The following VWCE variants were observed in gnomAD, a reference collection of about 807,000 sequenced individuals.
The protein encoded by VWCE is von Willebrand factor C and EGF domains.
In VWCE, 68 loss-of-function variants were observed where a neutral mutation model predicts 102.9. That is an observed-to-expected ratio of 0.66 (90% CI 0.54 to 0.81). The LOEUF is 0.81. Among genes scored for constraint, VWCE ranks in the 30% least tolerant of loss-of-function variants. The pLI is 0.00. For missense variants in VWCE, 1,137 were observed against 1,263.6 expected (o/e 0.90, Z 1.52); for synonymous variants, 497 against 515.4 (o/e 0.96, Z 0.48).
intron 19 of VWCE, 144 bp downstream of exon 19, chr11:61,264,343 A>G (rs1012988260): frequency 4.1e-6 from 3 of 733,560 alleles, no homozygotes; most frequent in Admixed American, 4.9e-5. Flanking sequence ...GCCACAGCAC[A>G]GCTGTACAAC....
In VWCE at chr11:61,290,782, A is replaced by T; in HGVS notation, c.424+17T>A. 1.4e-6 allele frequency: 2 copies of T among 1,437,480 alleles called. No individual in the cohort carries two copies. Among genetic ancestry groups the T allele is most frequent in the East Asian group, 5.2e-5 (2 of 38,160 alleles). 89.0% of individuals were successfully genotyped at this position (1,437,480 alleles called of 1,614,324 possible). On this transcript the variant is annotated intron_variant, in intron 4 of 19. Transcript: ENST00000335613. Reference sequence around the variant, plus strand: ...GCTGTCCCCCTCCCCCTCCCCCACCACTCCCAGGCGTCTCACCTGTACACC... The same window carrying T: ...GCTGTCCCCCTCCCCCTCCCCCACCTCTCCCAGGCGTCTCACCTGTACACC...
intron 19 of VWCE, among the ~76,000 whole-genome samples, chr11:61,260,120 T>G (rs1854309032): frequency 6.6e-6 from 1 of 152,138 alleles, no homozygotes; most frequent in Non-Finnish European, 1.5e-5. Context: ...CCGGACGTGG[T>G]GGCGCGTGCC....
rs946607287 is a variant in VWCE at position 61,290,685 on chromosome 11, T to C, written c.424+114A>G. ...CTGCCCACTCTCAAACATCAGAGCC[T>C]ATCTTGGCTCAGCTTAGCCTTGCAA... On this transcript the variant is annotated intron_variant, in intron 4 of 19. Transcript: ENST00000335613. The C allele has an allele frequency of 1.4e-5, 17 of 1,221,724 alleles. No individual in the cohort carries two copies. The South Asian group carries it at 2.3e-4, about 17-fold the overall frequency. The allele number at this position is 1,221,724 out of a possible 1,614,324, so 75.7% of individuals were successfully genotyped here.
At chr11:61,259,333 C>A in intron 19 of VWCE, 21 bp from the exon 20 acceptor site, 12 of 1,549,022 alleles carry the variant, frequency 7.7e-6, no homozygotes, top group Non-Finnish European at 9.6e-6. Flanking sequence ...GAGGGTGAAA[C>A]GAGATGCACA....
At chr11:61,268,878 G>C in intron 15 of VWCE, 44 bp downstream of exon 15, 1 of 1,600,676 alleles carries the variant, frequency 6.2e-7, no homozygotes, top group Non-Finnish European at 8.6e-7. Flanking sequence ...CCCGATGCCT[G>C]AGATGCCCTG....
intron 6 of VWCE, 67 bp downstream of exon 6, chr11:61,282,722 G>A: frequency 7.6e-7 from 1 of 1,314,190 alleles, no homozygotes; most frequent in East Asian, 2.3e-5. Flanking sequence ...CCGGGTCCCT[G>A]GGCTCCCTGT....
chr11:61,271,743 TGTC>T lies in VWCE; in HGVS notation c.1714_1716del (p.Asp572del). ...TGTCCAATCGGAAACTCAACCCCGTTGTCGTCAAGAGAGCAGCCTGGATGAGGA... is the reference window on the plus strand; with the variant it reads ...TGTCCAATCGGAAACTCAACCCCGTTGTCAAGAGAGCAGCCTGGATGAGGA... On this transcript the variant is annotated inframe_deletion, in exon 14 of 20. Coordinates refer to ENST00000335613, the MANE Select transcript of VWCE (RefSeq NM_152718.2). 3 of 1,613,518 alleles carry T rather than the reference TGTC, an allele frequency of 1.9e-6. No individual in the cohort carries two copies. The highest frequency in any genetic ancestry group is 1.1e-5 in the South Asian group (1 of 90,918).
intron 12 of VWCE, 24 bp downstream of exon 12, chr11:61,274,475 C>A (rs372206338): frequency 1.9e-6 from 3 of 1,610,482 alleles, no homozygotes; most frequent in East Asian, 2.2e-5. Flanking sequence ...ATTCCACAGG[C>A]TTTGGGACGC....
chr11:61,279,081 C>T lies in VWCE; in HGVS notation c.1325-605G>A, dbSNP rs554431117. 2.0e-5 allele frequency among the ~76,000 whole-genome samples: 3 copies of T among 151,936 alleles called. No individual in the cohort carries two copies. The East Asian group carries it at 5.8e-4, about 30-fold the overall frequency. Reference sequence around the variant, plus strand: ...AAAAACAAAAAAAAAAACTGGCCATCCAGCTTCGTTAACCAGCGTGTCCCT... The same window carrying T: ...AAAAACAAAAAAAAAAACTGGCCATTCAGCTTCGTTAACCAGCGTGTCCCT... On this transcript the variant is annotated intron_variant, in intron 9 of 19. Coordinates refer to ENST00000335613, the MANE Select transcript of VWCE (RefSeq NM_152718.2).
intron 5 of VWCE, among the ~76,000 whole-genome samples, chr11:61,285,868 C>G (rs1271796380): frequency 6.6e-6 from 1 of 152,210 alleles, no homozygotes. Flanking sequence ...GTTTTCCTGC[C>G]TCAGCCTCCC....
intron 13 of VWCE, among the ~76,000 whole-genome samples, chr11:61,272,171 T>A (rs987388913): frequency 6.7e-6 from 1 of 149,286 alleles, no homozygotes; most frequent in Non-Finnish European, 1.5e-5. Context: ...CACACACAGA[T>A]ACAACACAGA....
In VWCE at chr11:61,266,848, AG is replaced by A. The variant is rs554044109; in HGVS notation, c.1965+613del. On this transcript the variant is annotated intron_variant, in intron 16 of 19. Coordinates refer to ENST00000335613, the MANE Select transcript of VWCE (RefSeq NM_152718.2). The stretch of plus-strand genomic sequence containing the variant: ...GCTTGACCACATGGGTCTACTGAAA[AG>A]GTTCCAGTACTGGATTCTGGGTTTG... Among the ~76,000 whole-genome samples the A allele has an allele frequency of 1.4e-4, 21 of 152,340 alleles. No individual in the cohort carries two copies. The South Asian group carries it at 4.3e-3, about 32-fold the overall frequency.
At chr11:61,273,000 CAG>C (rs1331868417) in intron 13 of VWCE, among the ~76,000 whole-genome samples, 197 bp downstream of exon 13, 4 of 151,972 alleles carry the variant, frequency 2.6e-5, no homozygotes, top group African/African-American at 7.3e-5. Context: ...CTCACAAACT[CAG>C]AGACACACAA....
At chr11:61,274,171 G>GC (rs1854831392) in intron 12 of VWCE, among the ~76,000 whole-genome samples, 1 of 152,012 alleles carries the variant, frequency 6.6e-6, no homozygotes, top group Non-Finnish European at 1.5e-5. Flanking sequence ...TTAACATCCC[G>GC]CCTTCCAAAA....
chr11:61,273,204 G>C lies in VWCE; in HGVS notation c.1694C>G (p.Ser565Trp). 6.2e-7 allele frequency: 1 copy of C among 1,613,868 alleles called. No individual in the cohort carries two copies. Among genetic ancestry groups the C allele is most frequent in the Non-Finnish European group, 8.5e-7 (1 of 1,179,930 alleles). ...CCFTCQEPTP[S>W]TGCSLDDNGV... is the part of the protein sequence containing the mutation. ...GCAGCCCTGGACCAGCTCACCTGTC[G>C]AGGGTGTGGGCTCCTGGCAGGTGAA... Residue 565 changes from serine to tryptophan, a missense_variant, in exon 13 of 20, where the codon TCG (serine) becomes TGG (tryptophan). Physicochemically the swap from Ser to Trp is radical, Grantham distance 177. Around this residue, in one of 5 missense-constraint regions of VWCE, gnomAD observed 212 missense variants for 235.1 expected, o/e 0.90. Transcript: ENST00000335613.
rs1166649263 is a variant in VWCE, at chr11:61,294,646, C to T, written c.110+282G>A. 6.6e-6 allele frequency among the ~76,000 whole-genome samples: 1 copy of T among 152,136 alleles called. No individual in the cohort carries two copies. Among genetic ancestry groups the T allele is most frequent in the Non-Finnish European group, 1.5e-5 (1 of 68,004 alleles). The stretch of plus-strand genomic sequence containing the variant: ...TCCTGGGCTCCCCTCTCCAGAGGTC[C>T]GCGCTCCAGGGCACATTAGGAGTCA... On this transcript the variant is annotated intron_variant, in intron 1 of 19. Transcript: ENST00000335613. This position sits in a 1 kb window ranked among gnomAD's most constrained non-coding sequence, Gnocchi z 6.3.
intron 10 of VWCE, among the ~76,000 whole-genome samples, chr11:61,278,059 T>C (rs558692163): frequency 1.8e-4 from 27 of 152,296 alleles, no homozygotes; most frequent in African/African-American, 5.8e-4. Context: ...AGACCTTTAT[T>C]GTGCTGGCAA....
chr11:61,287,489 A>C, intron 4 of VWCE, among the ~76,000 whole-genome samples: 1 of 152,234 alleles, frequency 6.6e-6, no homozygotes, highest in South Asian at 2.1e-4. Flanking sequence ...AGGTTCATAG[A>C]GCACCAACTG....
intron 13 of VWCE, among the ~76,000 whole-genome samples, chr11:61,272,516 T>C (rs1406415431): frequency 2.0e-5 from 3 of 150,606 alleles, no homozygotes; most frequent in Non-Finnish European, 4.4e-5. Context: ...AAGACACATG[T>C]ACACAGACTC....
Sources: gnomAD v4.1 joint callset for allele counts (sites outside exome capture counted in the v4.1 genomes callset) on GRCh38, gnomAD v4.1.1 for gene constraint, gnomAD v4.1.1 regional missense constraint, Gnocchi (gnomAD v3.1) non-coding constraint, MANE v1.5 for transcripts, NCBI Gene and HGNC (gene_info 2026-07-23, HGNC 2026-07-21) for gene names.